PHYHIP: variants seen among roughly 807,000 people sequenced by gnomAD.
The protein encoded by PHYHIP is phytanoyl-CoA 2-hydroxylase interacting protein, also known as phytanoyl-CoA hydroxylase-interacting protein.
PHYHIP carries 7 observed loss-of-function variants against 26.1 expected under a neutral mutation model. That is an observed-to-expected ratio of 0.27 (90% confidence interval 0.15 to 0.50). PHYHIP has a LOEUF of 0.50. PHYHIP is among the 20% of genes least tolerant of loss of function. The pLI, the probability that PHYHIP is intolerant of heterozygous loss-of-function variation, is 0.98. For missense variants in PHYHIP, 232 were observed against 454.7 expected, an observed-to-expected ratio of 0.51 and a Z score of 4.45; for synonymous variants, 206 against 183.4, an observed-to-expected ratio of 1.12 and a Z score of -1.00.
chr8:22,226,775 G>A (rs1452330507), intron 3 of PHYHIP, 76 bp downstream of exon 3: 9 of 1,392,314 alleles, frequency 6.5e-6, no homozygotes, highest in South Asian at 2.7e-5. Context: ...GCTGGACTAC[G>A]AGGAAGACCC....
At position 22,228,367 on chromosome 8, in the gene PHYHIP, A is replaced by G. The variant is rs1392619478; in HGVS notation, c.-10T>C. On this transcript the variant is annotated 5_prime_UTR_variant, in exon 2 of 5. Transcript: ENST00000454243. The stretch of plus-strand genomic sequence containing the variant: ...TGGACAGCAGCTCCATGCTCCCGTC[A>G]GGGTTGTCTCCTGTGGGGACTGAGG... 3 of 1,578,924 alleles carry G rather than the reference A, an allele frequency of 1.9e-6. No individual in the cohort carries two copies. Among genetic ancestry groups the G allele is most frequent in the Admixed American group, 1.8e-5 (1 of 54,536 alleles).
chr8:22,221,963 G>A lies in PHYHIP; in HGVS notation c.459-76C>T, dbSNP rs946632573. The A allele has an allele frequency of 4.3e-5, 56 of 1,314,752 alleles. No individual in the cohort carries two copies. The highest frequency in any genetic ancestry group is 1.9e-4 in the African/African-American group (13 of 67,730). 81.4% of individuals were successfully genotyped at this position (1,314,752 alleles called of 1,614,324 possible). On this transcript the variant is annotated intron_variant, in intron 4 of 4. Transcript: ENST00000454243. The surrounding 1 kb of genome is among the most constrained non-coding windows in gnomAD (Gnocchi z 7.9). ...AGCCGGGCTGAGGCTTGGCTGCTGC[G>A]TGTGGTCGAGGAGGGAGGAAGCCAG...
At position 22,229,177 on chromosome 8, in the gene PHYHIP, A is replaced by G. The variant is rs144475628; in HGVS notation, c.-29-791T>C. Among the ~76,000 whole-genome samples the G allele has an allele frequency of 3.0e-3, 463 of 152,282 alleles. 2 individuals are homozygous for G. The highest frequency in any genetic ancestry group is 4.7e-3 in the Non-Finnish European group (320 of 68,008). On this transcript the variant is annotated intron_variant, in intron 1 of 4. Coordinates refer to ENST00000454243, the MANE Select transcript of PHYHIP (RefSeq NM_014759.5). ...TATCATTATCTCCATTTTACAGATG[A>G]GGCGACTGAGGTTGGGGAGGTACTA...
In PHYHIP at chr8:22,228,403, G is replaced by C; in HGVS notation, c.-29-17C>G. On this transcript the variant is annotated splice_polypyrimidine_tract_variant and intron_variant, in intron 1 of 4. Coordinates refer to ENST00000454243, the MANE Select transcript of PHYHIP (RefSeq NM_014759.5). Reference sequence around the variant, plus strand: ...CTGTGGGGACTGAGGAGGAGGGAAAGGGTCAGTACATCCCTTGACCCCGGC... The same window carrying C: ...CTGTGGGGACTGAGGAGGAGGGAAACGGTCAGTACATCCCTTGACCCCGGC... The C allele has an allele frequency of 1.4e-6, 2 of 1,475,396 alleles. No individual in the cohort carries two copies. Among genetic ancestry groups the C allele is most frequent in the Non-Finnish European group, 9.3e-7 (1 of 1,077,898 alleles). 91.4% of individuals were successfully genotyped at this position (1,475,396 alleles called of 1,614,324 possible).
rs1200724784 is a variant in PHYHIP at position 22,221,258 on chromosome 8, G to T, written c.*95C>A. On this transcript the variant is annotated 3_prime_UTR_variant, in exon 5 of 5. Transcript: ENST00000454243. This position sits in a 1 kb window ranked among gnomAD's most constrained non-coding sequence, Gnocchi z 7.9. ...CAGCTGGGCAGAGTGGAGGGAGCAG[G>T]GGGGCAGGAGAGAGAAAGCCAGCTC... 3.3e-6 allele frequency: 4 copies of T among 1,202,592 alleles called. No individual in the cohort carries two copies. The highest frequency in any genetic ancestry group is 4.6e-6 in the Non-Finnish European group (4 of 875,174). The allele number at this position is 1,202,592 out of a possible 1,614,324, so 74.5% of individuals were successfully genotyped here.
At chr8:22,223,250 T>G (rs1223934408) in intron 4 of PHYHIP, among the ~76,000 whole-genome samples, 1 of 150,670 alleles carries the variant, frequency 6.6e-6, no homozygotes, top group East Asian at 2.0e-4. Context: ...TGGTCCCAGC[T>G]ACTCAAGAGG....
At position 22,228,371 on chromosome 8, in the gene PHYHIP, T is replaced by C. The variant is rs372133385; in HGVS notation, c.-14A>G. ...CAGCAGCTCCATGCTCCCGTCAGGGTTGTCTCCTGTGGGGACTGAGGAGGA... is the reference window on the plus strand; with the variant it reads ...CAGCAGCTCCATGCTCCCGTCAGGGCTGTCTCCTGTGGGGACTGAGGAGGA... On this transcript the variant is annotated 5_prime_UTR_variant, in exon 2 of 5. Coordinates refer to ENST00000454243, the MANE Select transcript of PHYHIP (RefSeq NM_014759.5). The C allele has an allele frequency of 1.3e-6, 2 of 1,574,692 alleles. No individual in the cohort carries two copies. The highest frequency in any genetic ancestry group is 1.7e-6 in the Non-Finnish European group (2 of 1,159,402).
chr8:22,225,966 A>G (rs890953003), intron 3 of PHYHIP, among the ~76,000 whole-genome samples: 1 of 152,200 alleles, frequency 6.6e-6, no homozygotes, highest in Admixed American at 6.6e-5. Flanking sequence ...TCTGTGTGAC[A>G]GAGAGATCTG....
chr8:22,225,519 G>A (rs1829725033), intron 3 of PHYHIP, among the ~76,000 whole-genome samples: 1 of 151,862 alleles, frequency 6.6e-6, no homozygotes, highest in Non-Finnish European at 1.5e-5. Context: ...AAAAGGCCAG[G>A]GATGGTGGCT....
intron 4 of PHYHIP, among the ~76,000 whole-genome samples, chr8:22,222,180 T>C (rs1829644368): frequency 6.6e-6 from 1 of 152,010 alleles, no homozygotes; most frequent in Non-Finnish European, 1.5e-5. Flanking sequence ...GCTCATGATC[T>C]GATCTCTGTG....
rs1189119900 is a variant in PHYHIP, at chr8:22,231,918, C to A, written c.-152G>T. Reference sequence around the variant, plus strand: ...CCTGGGTCACGGGCAGTGGCGTGCGCTTGCTCCTCTCCCGGCTGCCAAGGA... The same window carrying A: ...CCTGGGTCACGGGCAGTGGCGTGCGATTGCTCCTCTCCCGGCTGCCAAGGA... On this transcript the variant is annotated 5_prime_UTR_variant, in exon 1 of 5. Transcript: ENST00000454243. 6.6e-6 allele frequency: 1 copy of A among 152,294 alleles called. No individual in the cohort carries two copies. The highest frequency in any genetic ancestry group is 1.5e-5 in the Non-Finnish European group (1 of 68,094). 9.4% of individuals were successfully genotyped at this position (152,294 alleles called of 1,614,324 possible). A position where few individuals can be genotyped will look rare whatever the true frequency, so the allele number is the denominator to read the frequency against.
rs1462611764 is a variant in PHYHIP, at chr8:22,221,927, T to TGTGGCTGGTGAGCCGGGCTGAGGC, written c.459-64_459-41dup. The TGTGGCTGGTGAGCCGGGCTGAGGC allele has an allele frequency of 6.9e-7, 1 of 1,455,020 alleles. No homozygotes were observed. The highest frequency in any genetic ancestry group is 9.1e-7 in the Non-Finnish European group (1 of 1,099,180). The allele number at this position is 1,455,020 out of a possible 1,614,324, so 90.1% of individuals were successfully genotyped here. On this transcript the variant is annotated intron_variant, in intron 4 of 4. Transcript: ENST00000454243. This position sits in a 1 kb window ranked among gnomAD's most constrained non-coding sequence, Gnocchi z 7.9. ...GAGACACACCAAAGGGAAGAGAAGA[T>TGTGGCTGGTGAGCCGGGCTGAGGC]GTGGCTGGTGAGCCGGGCTGAGGCT...
chr8:22,224,840 C>A (rs1829710724), intron 3 of PHYHIP, among the ~76,000 whole-genome samples: 1 of 152,144 alleles, frequency 6.6e-6, no homozygotes, highest in South Asian at 2.1e-4. Flanking sequence ...AGAACTGAGC[C>A]CAGGCAATGT....
At chr8:22,225,927 G>T (rs942923089) in intron 3 of PHYHIP, among the ~76,000 whole-genome samples, 2 of 152,200 alleles carry the variant, frequency 1.3e-5, no homozygotes, top group African/African-American at 4.8e-5. Flanking sequence ...AGCCTCAGAG[G>T]CCCGGGGCTG....
intron 2 of PHYHIP, chr8:22,227,833 A>G: frequency 2.4e-6 from 1 of 416,856 alleles, no homozygotes; most frequent in South Asian, 1.8e-5. Context: ...TTGAGACGTC[A>G]TCCCCATAGG....
intron 2 of PHYHIP, among the ~76,000 whole-genome samples, chr8:22,227,439 A>C (rs1586492795): frequency 6.6e-6 from 1 of 152,160 alleles, no homozygotes; most frequent in Non-Finnish European, 1.5e-5. Context: ...TTGAACATTC[A>C]CGTCACCGTG....
intron 2 of PHYHIP, chr8:22,227,576 C>A (rs1829775401): frequency 1.3e-5 from 6 of 456,028 alleles, no homozygotes; most frequent in Non-Finnish European, 2.2e-5. Context: ...CCTGCCTCTG[C>A]CAGCTTGAGA....
chr8:22,224,293 C>T lies in PHYHIP; in HGVS notation c.391G>A (p.Ala131Thr), dbSNP rs1297451040. ...AQLQEKAEQI[A>T]GRMLRFSVFY... ...ACGGAGAAGCGGAGCATGCGGCCTGCGATCTGCTCAGCTTTCTCCTGAAGC... is the reference window on the plus strand; with the variant it reads ...ACGGAGAAGCGGAGCATGCGGCCTGTGATCTGCTCAGCTTTCTCCTGAAGC... Residue 131 changes from alanine (A) to threonine (T), a missense_variant, in exon 4 of 5, where the codon GCA (alanine) becomes ACA (threonine). Coordinates refer to ENST00000454243, the MANE Select transcript of PHYHIP (RefSeq NM_014759.5). 1.2e-6 allele frequency: 2 copies of T among 1,612,496 alleles called. No homozygotes were observed. The highest frequency in any genetic ancestry group is 1.1e-5 in the South Asian group (1 of 91,056).
At chr8:22,230,575 G>A (rs557208242) in intron 1 of PHYHIP, among the ~76,000 whole-genome samples, 3 of 152,102 alleles carry the variant, frequency 2.0e-5, no homozygotes, top group East Asian at 3.9e-4. Context: ...GGCAACACCC[G>A]AGAAACACCC....
Sources: gnomAD v4.1 joint callset for allele counts (sites outside exome capture counted in the v4.1 genomes callset) on GRCh38, gnomAD v4.1.1 for gene constraint, Gnocchi (gnomAD v3.1) non-coding constraint, MANE v1.5 for transcripts, NCBI Gene and HGNC (gene_info 2026-07-23, HGNC 2026-07-21) for gene names.